CPA6: variants seen among roughly 807,000 people sequenced by gnomAD.
CPA6 encodes carboxypeptidase B.
A neutral mutation model predicts 63.3 loss-of-function variants in CPA6; 58 were observed. The observed-to-expected ratio is 0.92, with a 90% confidence interval of 0.74 to 1.14. CPA6 has a LOEUF of 1.14. Among genes scored for constraint, CPA6 ranks in the 50% most tolerant of loss-of-function variants. The pLI is 0.00. For synonymous variants in CPA6, 185 were observed against 179.0 expected, an observed-to-expected ratio of 1.03 and a Z score of -0.27; for missense variants, 565 against 526.6, an observed-to-expected ratio of 1.07 and a Z score of -0.71.
chr8:67,428,094 G>C lies in CPA6; in HGVS notation c.1079C>G (p.Ser360Ter). 1 of 1,613,172 alleles carries C rather than the reference G, an allele frequency of 6.2e-7. No homozygotes were observed. Among genetic ancestry groups the C allele is most frequent in the Non-Finnish European group, 8.5e-7 (1 of 1,179,322 alleles). Residue 360 changes from serine (S) to a stop codon, truncating the protein, a stop_gained, in exon 10 of 11, where the codon TCA (serine) becomes TGA (stop). Transcript: ENST00000297770. LOFTEE classifies it high-confidence loss of function. The stretch of plus-strand genomic sequence containing the variant: ...ATATCTGTATCGTACCCCGTATACT[G>C]ACTGAAGTGCATTCACAGCTTTATA... ...AAYKAVNALQ[S>*]VYGVRYRYGP...
intron 1 of CPA6, among the ~76,000 whole-genome samples, chr8:67,728,100 A>C (rs111794407): frequency 0.048 from 7,131 of 148,482 alleles, 289 homozygotes; most frequent in African/African-American, 0.11. Context: ...AACAAAAAAA[A>C]CCCACAAAAA....
At chr8:67,457,051 C>T (rs1353244565) in intron 8 of CPA6, among the ~76,000 whole-genome samples, 2 of 152,202 alleles carry the variant, frequency 1.3e-5, no homozygotes, top group Non-Finnish European at 2.9e-5. Flanking sequence ...CCTGGCAAAA[C>T]CCACTTTGGA....
intron 8 of CPA6, among the ~76,000 whole-genome samples, chr8:67,436,007 G>C (rs953378346): frequency 2.0e-5 from 3 of 151,076 alleles, no homozygotes; most frequent in East Asian, 1.9e-4. Context: ...GGCGTAAGGT[G>C]GGGGGAAATG....
chr8:67,460,936 A>G (rs1189168543), intron 8 of CPA6, among the ~76,000 whole-genome samples: 1 of 152,096 alleles, frequency 6.6e-6, no homozygotes, highest in African/African-American at 2.4e-5. Context: ...ATTAGACTAG[A>G]TTAAATATAA....
At chr8:67,605,527 ATTGC>A (rs1814610498) in intron 2 of CPA6, among the ~76,000 whole-genome samples, 1 of 108,550 alleles carries the variant, frequency 9.2e-6, no homozygotes. Flanking sequence ...GTATTATTGT[ATTGC>A]TTTTTTTTTT....
At chr8:67,527,923 T>G (rs1812398221) in intron 2 of CPA6, among the ~76,000 whole-genome samples, 2 of 152,242 alleles carry the variant, frequency 1.3e-5, no homozygotes, top group South Asian at 4.1e-4. Flanking sequence ...ATCAAGCCGC[T>G]GAATCATCAC....
intron 2 of CPA6, among the ~76,000 whole-genome samples, chr8:67,605,531 C>CTTTTTTTTTTTTTTTTTTTCT (rs68153641): frequency 8.0e-6 from 1 of 125,268 alleles, no homozygotes; most frequent in Non-Finnish European, 1.7e-5. Context: ...TATTGTATTG[C>CTTTTTTTTTTTTTTTTTTTCT]TTTTTTTTTT....
intron 2 of CPA6, among the ~76,000 whole-genome samples, chr8:67,584,126 C>G (rs1813856181): frequency 6.6e-6 from 1 of 152,164 alleles, no homozygotes; most frequent in Non-Finnish European, 1.5e-5. Context: ...CCACAGCATT[C>G]TAGCCCAGGA....
intron 1 of CPA6, among the ~76,000 whole-genome samples, chr8:67,729,107 T>C (rs918806504): frequency 6.6e-6 from 1 of 152,162 alleles, no homozygotes; most frequent in East Asian, 1.9e-4. Flanking sequence ...GCCTGAACCA[T>C]AGTGTCAGCA....
At chr8:67,532,799 T>C (rs983065435) in intron 2 of CPA6, among the ~76,000 whole-genome samples, 5 of 152,204 alleles carry the variant, frequency 3.3e-5, no homozygotes, top group African/African-American at 9.7e-5. Context: ...TTCCAATATC[T>C]GGTGGTTGCC....
rs569670799 is a variant in CPA6, at chr8:67,700,256, A to G, written c.116+45758T>C. The stretch of plus-strand genomic sequence containing the variant: ...ACTTAAAGTGGCTTACACAATAATC[A>G]TGGTTACAAGTTGAATAGCACACAT... On this transcript the variant is annotated intron_variant, in intron 1 of 10. Transcript: ENST00000297770. Among the ~76,000 whole-genome samples the G allele has an allele frequency of 1.2e-4, 19 of 152,350 alleles. 2 individuals carry two copies. The South Asian group carries it at 3.7e-3, about 30-fold the overall frequency.
chr8:67,663,711 T>A (rs1816168442), intron 1 of CPA6, among the ~76,000 whole-genome samples: 1 of 152,222 alleles, frequency 6.6e-6, no homozygotes, highest in Non-Finnish European at 1.5e-5. Context: ...CTCATTCCTT[T>A]TTTACGGCTG....
At chr8:67,445,230 T>C (rs924042289) in intron 8 of CPA6, among the ~76,000 whole-genome samples, 2 of 152,112 alleles carry the variant, frequency 1.3e-5, no homozygotes, top group African/African-American at 4.8e-5. Context: ...TTAAGATTTT[T>C]TTTTGGGAGG....
chr8:67,573,619 A>G (rs528280982), intron 2 of CPA6, among the ~76,000 whole-genome samples: 1 of 152,194 alleles, frequency 6.6e-6, no homozygotes, highest in South Asian at 2.1e-4. Flanking sequence ...GAGGCCGGGC[A>G]CGGTGGTTCA....
rs115281933 is a variant in CPA6, at chr8:67,638,705, T to G, written c.117-14454A>C. 2.6e-3 allele frequency among the ~76,000 whole-genome samples: 401 copies of G among 151,750 alleles called. 22 individuals are homozygous for G. Among genetic ancestry groups the G allele is most frequent in the African/African-American group, 9.5e-3 (389 of 41,026 alleles). ...AAAGGCCTCGTCCCCTTTCCTCAAT[T>G]TGAGGCATTACTGAAGGACCAATCC... is the stretch of plus-strand genomic sequence containing the variant. On this transcript the variant is annotated intron_variant, in intron 1 of 10. Coordinates refer to ENST00000297770, the MANE Select transcript of CPA6 (RefSeq NM_020361.5).
intron 1 of CPA6, among the ~76,000 whole-genome samples, chr8:67,679,429 T>G (rs1008816583): frequency 6.6e-6 from 1 of 152,200 alleles, no homozygotes; most frequent in Admixed American, 6.5e-5. Context: ...GTCATCTGCT[T>G]TGAATGGATT....
rs117176843 is a variant in CPA6, at chr8:67,424,101, C to T, written c.1127-1410G>A. 7.2e-5 allele frequency among the ~76,000 whole-genome samples: 11 copies of T among 152,294 alleles called. No homozygotes were observed. In the East Asian group the frequency reaches 1.9e-3, roughly 27 times the overall value. The stretch of plus-strand genomic sequence containing the variant: ...TAGGTTGTGCATTCCTTCTAAGAAT[C>T]TTATGCCTGATGATCTGTCACTGTC... On this transcript the variant is annotated intron_variant, in intron 10 of 10. Coordinates refer to ENST00000297770, the MANE Select transcript of CPA6 (RefSeq NM_020361.5).
chr8:67,679,471 T>G (rs995068969), intron 1 of CPA6, among the ~76,000 whole-genome samples: 3 of 152,240 alleles, frequency 2.0e-5, no homozygotes, highest in African/African-American at 7.2e-5. Context: ...TTATTGATAA[T>G]GTAGTAAGCT....
intron 1 of CPA6, among the ~76,000 whole-genome samples, chr8:67,637,673 A>G (rs1815500160): frequency 6.6e-6 from 1 of 151,578 alleles, no homozygotes; most frequent in South Asian, 2.1e-4. Context: ...AGTTAGGTAC[A>G]TAAGACAAAC....
Sources: gnomAD v4.1 joint callset for allele counts (sites outside exome capture counted in the v4.1 genomes callset) on GRCh38, gnomAD v4.1.1 for gene constraint, MANE v1.5 for transcripts, NCBI Gene and HGNC (gene_info 2026-07-23, HGNC 2026-07-21) for gene names.